GIGYF1: variants seen among roughly 807,000 people sequenced by gnomAD.
GIGYF1 encodes the protein GRB10-interacting GYF protein 1.
In GIGYF1, 84 loss-of-function variants were observed where a neutral mutation model predicts 147.1. That is an observed-to-expected ratio of 0.57 (90% CI 0.48 to 0.68). GIGYF1 has a LOEUF of 0.68. GIGYF1 is among the 30% of genes least tolerant of loss of function. The pLI is 0.00. For missense variants in GIGYF1, 1,485 were observed against 1,393.7 expected (o/e 1.07, Z -1.04); for synonymous variants, 752 against 589.5 (o/e 1.28, Z -3.99).
At chr7:100,687,130 G>A in intron 8 of GIGYF1, 84 bp from the exon 9 acceptor site, 1 of 1,565,046 alleles carries the variant, frequency 6.4e-7, no homozygotes, top group Non-Finnish European at 8.8e-7. Flanking sequence ...TGTCCACTGT[G>A]CCCTGAGGCA....
rs1434658648 is a variant in GIGYF1, at chr7:100,683,872, C to T, written c.1915G>A (p.Val639Met). ...TCCCAGAGGCGGCCCGAATCTGGCA[C>T]CGACAAGGACCGGCTCATCGTCGGG... ...LLPTMSRSLS[V>M]PDSGRLWDVH... Residue 639 changes from valine to methionine, a missense_variant, in exon 19 of 27, where the codon GTG becomes ATG. Coordinates refer to ENST00000678049, the MANE Select transcript of GIGYF1 (RefSeq NM_001375765.1). 6.4e-7 allele frequency: 1 copy of T among 1,560,018 alleles called. No homozygotes were observed. Among genetic ancestry groups the T allele is most frequent in the Non-Finnish European group, 8.7e-7 (1 of 1,151,518 alleles).
rs760343954 is a variant in GIGYF1, at chr7:100,683,099, C to T, written c.2325G>A (p.Leu775=). ...AKQGLSMKTL[L]ELQLEGERQL... ...GCCGCTCGCCCTCCAGCTGCAACTC[C>T]AGGAGCGTCTTCATGGACAGCCCCT... The change falls in exon 22 of 27, where the codon CTG becomes CTA. Residue 775 remains leucine (L), a synonymous_variant. Coordinates refer to ENST00000678049, the MANE Select transcript of GIGYF1 (RefSeq NM_001375765.1). 1.9e-6 allele frequency: 3 copies of T among 1,591,170 alleles called. No homozygotes were observed. In the East Asian group the frequency reaches 6.8e-5, roughly 36 times the overall value.
intron 1 of GIGYF1, among the ~76,000 whole-genome samples, chr7:100,690,022 G>A (rs1372648877): frequency 6.6e-6 from 1 of 152,220 alleles, no homozygotes; most frequent in Non-Finnish European, 1.5e-5. Flanking sequence ...CAACTGAGGA[G>A]GGGATCCTGG....
At position 100,681,636 on chromosome 7, in the gene GIGYF1, G is replaced by T. The variant is rs193253445; in HGVS notation, c.*83C>A. On this transcript the variant is annotated 3_prime_UTR_variant, in exon 27 of 27. Coordinates refer to ENST00000678049, the MANE Select transcript of GIGYF1 (RefSeq NM_001375765.1). ...CCCTGCCTCTTCCTGTGCTCTCTGC[G>T]GGGAGCCTGCAGGCTGGGACCCTCG... The T allele has an allele frequency of 3.7e-6, 5 of 1,336,948 alleles. No individual in the cohort carries two copies. In the African/African-American group the frequency reaches 5.9e-5, roughly 16 times the overall value. 82.8% of individuals were successfully genotyped at this position (1,336,948 alleles called of 1,614,324 possible). A position where few individuals can be genotyped will look rare whatever the true frequency, so the allele number is the denominator to read the frequency against.
Position 100,683,884 on chromosome 7 carries a change from G to A in GIGYF1, c.1903C>T (p.Arg635Trp), listed in dbSNP as rs569109894. Residue 635 changes from arginine to tryptophan, a missense_variant, in exon 19 of 27, where the codon CGG becomes TGG. Transcript: ENST00000678049. ...CCCGAATCTGGCACCGACAAGGACC[G>A]GCTCATCGTCGGGAGCAGGTTCTGG... Reference protein sequence around the residue: ...GDQNLLPTMSRSLSVPDSGRL... With the variant: ...GDQNLLPTMSWSLSVPDSGRL... 18 of 1,557,674 alleles carry A rather than the reference G, an allele frequency of 1.2e-5. No individual in the cohort carries two copies. The highest frequency in any genetic ancestry group is 5.8e-5 in the Admixed American group (3 of 51,328).
chr7:100,693,731 G>T (rs1259499085), intron 1 of GIGYF1, among the ~76,000 whole-genome samples: 1 of 151,906 alleles, frequency 6.6e-6, no homozygotes, highest in East Asian at 2.0e-4. Context: ...GGGGGCGACC[G>T]TTAGGAGCGC....
rs150548796 is a variant in GIGYF1, at chr7:100,684,874, G to A, written c.1311C>T (p.Ala437=). Residue 437 remains alanine, a synonymous_variant, in exon 15 of 27, where the codon GCC becomes GCT. Coordinates refer to ENST00000678049, the MANE Select transcript of GIGYF1 (RefSeq NM_001375765.1). Reference sequence around the variant, plus strand: ...CCTCCAAGGAGCTGTCCTGCAGGGAGGCCACCAGCTTCTCCGCCTCCTGGA... The same window carrying A: ...CCTCCAAGGAGCTGTCCTGCAGGGAAGCCACCAGCTTCTCCGCCTCCTGGA... ...HLQQEAEKLV[A]SLQDSSLEEE... is the part of the protein sequence containing the mutation. 9 of 1,604,414 alleles carry A rather than the reference G, an allele frequency of 5.6e-6. No individual in the cohort carries two copies. Among genetic ancestry groups the A allele is most frequent in the African/African-American group, 4.0e-5 (3 of 74,712 alleles).
rs1278599723 is a variant in GIGYF1, at chr7:100,682,456, C to T, written c.2627G>A (p.Arg876Gln). ...LSDSYSHLSGRPIRKKTEEEE... is the reference protein window; with the variant it reads ...LSDSYSHLSGQPIRKKTEEEE... ...TTCCTCCGTCTTTTTGCGAATGGGC[C>T]GACCCGATAGGTGGCTGTATGAGTC... The change falls in exon 24 of 27, where the codon CGG becomes CAG. Residue 876 changes from arginine (R) to glutamine (Q), a missense_variant. Transcript: ENST00000678049. 4.3e-6 allele frequency: 7 copies of T among 1,613,020 alleles called. No individual in the cohort carries two copies. The highest frequency in any genetic ancestry group is 1.6e-4 in the Middle Eastern group (1 of 6,062).
At chr7:100,692,919 G>A (rs537272834) in intron 1 of GIGYF1, among the ~76,000 whole-genome samples, 5 of 152,324 alleles carry the variant, frequency 3.3e-5, no homozygotes, top group Admixed American at 3.3e-4. Context: ...AGATGGGAAG[G>A]AGAAAGAACC....
Position 100,684,575 on chromosome 7 carries a change from C to A in GIGYF1, c.1504G>T (p.Gly502Cys). Residue 502 changes from glycine to cysteine, a missense_variant, in exon 16 of 27, where the codon GGC becomes TGC. Physicochemically the swap from Gly to Cys is radical, Grantham distance 159 (BLOSUM62 -3). Coordinates refer to ENST00000678049, the MANE Select transcript of GIGYF1 (RefSeq NM_001375765.1). ...ACCAGCAGTGACATGGAAAAGTAGC[C>A]GGCCTGGAACCACTCTGCCATCTCC... ...TQEMAEWFQA[G>C]YFSMSLLVKR... 6.2e-7 allele frequency: 1 copy of A among 1,614,172 alleles called. No individual in the cohort carries two copies.
At chr7:100,686,572 G>T in intron 10 of GIGYF1, 77 bp downstream of exon 10, 1 of 1,533,306 alleles carries the variant, frequency 6.5e-7, no homozygotes, top group African/African-American at 1.4e-5. Flanking sequence ...CCCTCCCCGT[G>T]GCTACAGGAG....
rs748321952 is a variant in GIGYF1 at position 100,683,038 on chromosome 7, G to A, written c.2386C>T (p.Arg796Trp). The A allele has an allele frequency of 2.8e-5, 43 of 1,555,624 alleles. No individual in the cohort carries two copies. Among genetic ancestry groups the A allele is most frequent in the East Asian group, 4.6e-5 (2 of 43,132 alleles). The change falls in exon 22 of 27, where the codon CGG becomes TGG. Residue 796 changes from arginine (R) to tryptophan (W), a missense_variant. Arg to Trp is a moderately radical substitution (Grantham distance 101). Coordinates refer to ENST00000678049, the MANE Select transcript of GIGYF1 (RefSeq NM_001375765.1). ...HKQPPPREPA[R>W]AQAPNHRVQL... ...ACTCGGTGGTTGGGGGCCTGGGCCC[G>A]AGCTGGCTCCCGAGGTGGGGGCTGT...
At position 100,683,366 on chromosome 7, in the gene GIGYF1, G is replaced by C. The variant is rs1804983539; in HGVS notation, c.2131C>G (p.Gln711Glu). 4 of 1,613,582 alleles carry C rather than the reference G, an allele frequency of 2.5e-6. No individual in the cohort carries two copies. The highest frequency in any genetic ancestry group is 8.5e-7 in the Non-Finnish European group (1 of 1,180,040). The part of the protein sequence containing the change: ...ERKRREEKRR[Q>E]QQQEEQKRRQ... ...CGCTTCTGCTCCTCCTGCTGCTGCTGGCGGCGCTTCTCCTCTCGACGCTTG... is the reference window on the plus strand; with the variant it reads ...CGCTTCTGCTCCTCCTGCTGCTGCTCGCGGCGCTTCTCCTCTCGACGCTTG... The change falls in exon 21 of 27, where the codon CAG becomes GAG. Residue 711 changes from glutamine (Q) to glutamate (E), a missense_variant. By Grantham distance (29) the Gln-to-Glu change is conservative (BLOSUM62 2). Coordinates refer to ENST00000678049, the MANE Select transcript of GIGYF1 (RefSeq NM_001375765.1).
At chr7:100,691,789 A>C (rs1805851930) in intron 1 of GIGYF1, among the ~76,000 whole-genome samples, 1 of 148,394 alleles carries the variant, frequency 6.7e-6, no homozygotes, top group South Asian at 2.2e-4. Context: ...GTCTACCCTC[A>C]CTCCCCCAGC....
In GIGYF1 at chr7:100,680,367, A is replaced by G. The variant is rs1455767471; in HGVS notation, c.*1352T>C. 2 of 152,496 alleles carry G rather than the reference A, an allele frequency of 1.3e-5. No individual in the cohort carries two copies. The highest frequency in any genetic ancestry group is 4.8e-5 in the African/African-American group (2 of 41,342). The allele number at this position is 152,496 out of a possible 1,614,324, so 9.4% of individuals were successfully genotyped here. A position where few individuals can be genotyped will look rare whatever the true frequency, so the allele number is the denominator to read the frequency against. On this transcript the variant is annotated 3_prime_UTR_variant, in exon 27 of 27. Coordinates refer to ENST00000678049, the MANE Select transcript of GIGYF1 (RefSeq NM_001375765.1). ...GGTCAATGGGAGGAGCTGGATGAGAAACCCAAAAGACAAAACTGTTACAAA... is the reference window on the plus strand; with the variant it reads ...GGTCAATGGGAGGAGCTGGATGAGAGACCCAAAAGACAAAACTGTTACAAA...
Position 100,684,172 on chromosome 7 carries a change from G to T in GIGYF1, c.1731-15C>A, listed in dbSNP as rs780419450. Reference sequence around the variant, plus strand: ...GGAGCTGGCGGCTGCAAATGGGACAGTGGAGATGGTGGGCCACAGAGCCAG... The same window carrying T: ...GGAGCTGGCGGCTGCAAATGGGACATTGGAGATGGTGGGCCACAGAGCCAG... On this transcript the variant is annotated splice_polypyrimidine_tract_variant and intron_variant, in intron 17 of 26. Transcript: ENST00000678049. 1.2e-6 allele frequency: 2 copies of T among 1,609,148 alleles called. No individual in the cohort carries two copies. The highest frequency in any genetic ancestry group is 1.7e-6 in the Non-Finnish European group (2 of 1,179,220).
Position 100,685,110 on chromosome 7 carries a change from C to T in GIGYF1, c.1229G>A (p.Gly410Asp), listed in dbSNP as rs763592187. Residue 410 changes from glycine (G) to aspartate (D), a missense_variant, in exon 14 of 27, where the codon GGC (glycine) becomes GAC (aspartate). Transcript: ENST00000678049. ...ATCTCCGGGTGGGCCAGCAGAGGAG[C>T]CCACCCCGGGACTCAGCTGGATCCC... is the stretch of plus-strand genomic sequence containing the variant. The part of the protein sequence containing the change: ...IRGIQLSPGV[G>D]SSAGPPGDLE... 1 of 1,583,460 alleles carries T rather than the reference C, an allele frequency of 6.3e-7. No homozygotes were observed. Among genetic ancestry groups the T allele is most frequent in the Non-Finnish European group, 8.6e-7 (1 of 1,163,792 alleles).
rs745551636 is a variant in GIGYF1 at position 100,682,660 on chromosome 7, T to C, written c.2530A>G (p.Thr844Ala). The stretch of plus-strand genomic sequence containing the variant: ...ACCAGGCTCCCGCCGCTCTTGGGGG[T>C]GTCCTCCCAGAGCCCCAGGCCGCTG... ...GSSGLGLWED[T>A]PKSGGSLVRG... The change falls in exon 23 of 27, where the codon ACC becomes GCC. Residue 844 changes from threonine to alanine, a missense_variant. Thr to Ala is a moderately conservative substitution (Grantham distance 58, BLOSUM62 0). Transcript: ENST00000678049. 9 of 1,603,334 alleles carry C rather than the reference T, an allele frequency of 5.6e-6. No homozygotes were observed. Among genetic ancestry groups the C allele is most frequent in the African/African-American group, 1.3e-5 (1 of 74,670 alleles).
rs771081859 is a variant in GIGYF1, at chr7:100,682,007, G to C, written c.2926-14C>G. On this transcript the variant is annotated splice_polypyrimidine_tract_variant and intron_variant, in intron 25 of 26. Coordinates refer to ENST00000678049, the MANE Select transcript of GIGYF1 (RefSeq NM_001375765.1). ...CAGCCATGCCTCCTAAGGCAGCGGA[G>C]AGGAGGGTGAAGGTCAGGAGGCACC... 2 of 1,609,714 alleles carry C rather than the reference G, an allele frequency of 1.2e-6. No individual in the cohort carries two copies. The highest frequency in any genetic ancestry group is 2.2e-5 in the East Asian group (1 of 44,874).
Sources: gnomAD v4.1 joint callset for allele counts (sites outside exome capture counted in the v4.1 genomes callset) on GRCh38, gnomAD v4.1.1 for gene constraint, MANE v1.5 for transcripts, NCBI Gene and HGNC (gene_info 2026-07-23, HGNC 2026-07-21) for gene names.